The following ZNF517 variants were observed in gnomAD, a reference collection of about 807,000 sequenced individuals.
ZNF517 encodes zinc finger protein 517.
ZNF517 carries 12 observed loss-of-function variants against 12.1 expected under a neutral mutation model. The ratio of observed to expected loss-of-function variants is 0.99; its 90% CI spans 0.63 to 1.61. ZNF517 has a LOEUF of 1.61. ZNF517 is among the 40% of genes most tolerant of loss of function. ZNF517 has a pLI of 0.00. For missense variants in ZNF517, 781 were observed against 693.2 expected, an observed-to-expected ratio of 1.13 and a Z score of -1.42; for synonymous variants, 388 against 310.2, an observed-to-expected ratio of 1.25 and a Z score of -2.63.
intron 4 of ZNF517, among the ~76,000 whole-genome samples, chr8:144,806,363 T>C (rs1358786572): frequency 6.6e-6 from 1 of 152,218 alleles, no homozygotes; most frequent in East Asian, 1.9e-4. Context: ...CTGGCCTGTC[T>C]TCCCTGCCAG....
At position 144,808,383 on chromosome 8, in the gene ZNF517, T is replaced by C. The variant is rs1250736369; in HGVS notation, c.1467T>C (p.Cys489=). 14 of 1,455,548 alleles carry C rather than the reference T, an allele frequency of 9.6e-6. No homozygotes were observed. The highest frequency in any genetic ancestry group is 1.3e-5 in the Non-Finnish European group (14 of 1,104,148). The allele number at this position is 1,455,548 out of a possible 1,614,324, so 90.2% of individuals were successfully genotyped here. ...GEDTEGRRAP[C]WAS is the part of the protein sequence containing the mutation. ...ACACAGAGGGCAGGCGGGCGCCCTG[T>C]TGGGCTTCCTGATGACGGGGACGAC... Residue 489 remains cysteine, a synonymous_variant, in exon 5 of 5, where the codon TGT becomes TGC. Coordinates refer to ENST00000359971, the MANE Select transcript of ZNF517 (RefSeq NM_213605.3).
intron 1 of ZNF517, chr8:144,800,491 G>A (rs1586758778): frequency 2.0e-6 from 2 of 985,164 alleles, no homozygotes; most frequent in East Asian, 2.3e-4. Flanking sequence ...CCAGAGTGGA[G>A]GGTGGTATGT....
At chr8:144,804,975 C>T (rs538558145) in intron 4 of ZNF517, among the ~76,000 whole-genome samples, 5 of 152,358 alleles carry the variant, frequency 3.3e-5, no homozygotes, top group East Asian at 1.9e-4. Context: ...CACAGGGAGA[C>T]GGTCAGGCCT....
Position 144,808,580 on chromosome 8 carries a change from C to A in ZNF517, c.*185C>A. On this transcript the variant is annotated 3_prime_UTR_variant, in exon 5 of 5. Transcript: ENST00000359971. ...GGGGAGGGAAAGGGCACCAGGCAGC[C>A]CGTGGTGTGGCCTCAGGAACCACTA... 1 of 830,234 alleles carries A rather than the reference C, an allele frequency of 1.2e-6. No homozygotes were observed. The highest frequency in any genetic ancestry group is 1.7e-6 in the Non-Finnish European group (1 of 603,908). 51.4% of individuals were successfully genotyped at this position (830,234 alleles called of 1,614,324 possible).
rs1411233808 is a variant in ZNF517 at position 144,807,874 on chromosome 8, C to T, written c.958C>T (p.Leu320=). ...IHSGERPYRC[L]RCGQRFIRGS... Reference sequence around the variant, plus strand: ...CAGCGGGGAGCGGCCCTACCGGTGCCTGCGGTGTGGGCAGCGCTTCATCCG... The same window carrying T: ...CAGCGGGGAGCGGCCCTACCGGTGCTTGCGGTGTGGGCAGCGCTTCATCCG... The change falls in exon 5 of 5, where the codon CTG becomes TTG. Residue 320 remains leucine (L), a synonymous_variant. Coordinates refer to ENST00000359971, the MANE Select transcript of ZNF517 (RefSeq NM_213605.3). 3 of 1,568,562 alleles carry T rather than the reference C, an allele frequency of 1.9e-6. No homozygotes were observed. Among genetic ancestry groups the T allele is most frequent in the East Asian group, 2.3e-5 (1 of 44,348 alleles).
chr8:144,800,753 G>A (rs931153793), intron 1 of ZNF517: 27 of 945,570 alleles, frequency 2.9e-5, no homozygotes, highest in East Asian at 1.2e-4. Flanking sequence ...ATCGCCCTTC[G>A]TACCCTAACA....
chr8:144,807,399 G>A lies in ZNF517; in HGVS notation c.483G>A (p.Arg161=). 1.3e-6 allele frequency: 2 copies of A among 1,560,908 alleles called. No homozygotes were observed. The highest frequency in any genetic ancestry group is 1.2e-5 in the South Asian group (1 of 85,470). Residue 161 remains arginine, a synonymous_variant, in exon 5 of 5, where the codon AGG becomes AGA. Coordinates refer to ENST00000359971, the MANE Select transcript of ZNF517 (RefSeq NM_213605.3). ...CTCGGGAGCACAGCGCCTCCCCAAGGGTTCTGCAGGAAGACCTGGGCCGGC... is the reference window on the plus strand; with the variant it reads ...CTCGGGAGCACAGCGCCTCCCCAAGAGTTCTGCAGGAAGACCTGGGCCGGC... The part of the protein sequence containing the change: ...PRAREHSASP[R]VLQEDLGRPV...
At chr8:144,805,327 G>A (rs772058889) in intron 4 of ZNF517, among the ~76,000 whole-genome samples, 43 of 152,132 alleles carry the variant, frequency 2.8e-4, no homozygotes, top group Non-Finnish European at 5.3e-4. Context: ...GTAGAACAGA[G>A]ATTATTATTA....
chr8:144,802,136 G>C (rs1826997124), intron 1 of ZNF517, among the ~76,000 whole-genome samples: 1 of 152,238 alleles, frequency 6.6e-6, no homozygotes, highest in South Asian at 2.1e-4. Context: ...TCTGCTTACA[G>C]TCTGCTTGTT....
chr8:144,802,413 C>T (rs772141605), intron 1 of ZNF517, among the ~76,000 whole-genome samples: 7 of 152,236 alleles, frequency 4.6e-5, no homozygotes, highest in African/African-American at 7.2e-5. Flanking sequence ...TAACCAGTCA[C>T]GCTTTGTTCA....
Position 144,807,702 on chromosome 8 carries a change from A to T in ZNF517, c.786A>T (p.Ala262=), listed in dbSNP as rs1011721095. ...HRVHTRERPY[A]CGECGKAFSR... Reference sequence around the variant, plus strand: ...TCCACACCCGCGAGCGGCCCTACGCATGCGGCGAGTGCGGCAAGGCCTTCA... The same window carrying T: ...TCCACACCCGCGAGCGGCCCTACGCTTGCGGCGAGTGCGGCAAGGCCTTCA... The change falls in exon 5 of 5, where the codon GCA becomes GCT. Residue 262 remains alanine (A), a synonymous_variant. Transcript: ENST00000359971. 1.2e-6 allele frequency: 2 copies of T among 1,610,168 alleles called. No individual in the cohort carries two copies. Among genetic ancestry groups the T allele is most frequent in the Non-Finnish European group, 8.5e-7 (1 of 1,179,120 alleles).
chr8:144,801,476 G>A lies in ZNF517; in HGVS notation c.-45-1394G>A, dbSNP rs146122848. Among the ~76,000 whole-genome samples, 813 of 152,130 alleles carry A rather than the reference G, an allele frequency of 5.3e-3. 8 individuals are homozygous for A. The highest frequency in any genetic ancestry group is 0.019 in the African/African-American group (780 of 41,516). On this transcript the variant is annotated intron_variant, in intron 1 of 4. Transcript: ENST00000359971. ...ACCAAGGTTGCACCATTGCACTCCC[G>A]CCTGGGCAACAAGAGCGAGTTGTCG...
chr8:144,803,882 G>C (rs1449272080), intron 3 of ZNF517, 115 bp downstream of exon 3: 1 of 1,435,596 alleles, frequency 7.0e-7, no homozygotes, highest in Non-Finnish European at 9.4e-7. Flanking sequence ...GAAGCTGGAG[G>C]CTCCCCAAGG....
chr8:144,808,304 G>A lies in ZNF517; in HGVS notation c.1388G>A (p.Arg463Gln), dbSNP rs763191257. 1 of 1,537,688 alleles carries A rather than the reference G, an allele frequency of 6.5e-7. No homozygotes were observed. Among genetic ancestry groups the A allele is most frequent in the Non-Finnish European group, 8.8e-7 (1 of 1,139,354 alleles). Residue 463 changes from arginine (R) to glutamine (Q), a missense_variant, in exon 5 of 5, where the codon CGG becomes CAG. Physicochemically the swap from Arg to Gln is conservative, Grantham distance 43. Transcript: ENST00000359971. ...RCRACGRACSRLSTLIQHQKV... is the reference protein window; with the variant it reads ...RCRACGRACSQLSTLIQHQKV... ...CGCGCCTGCGGGAGGGCCTGCAGCC[G>A]GCTGTCCACCCTCATCCAGCACCAG...
intron 4 of ZNF517, among the ~76,000 whole-genome samples, chr8:144,805,016 T>G (rs1219973960): frequency 1.3e-5 from 2 of 152,212 alleles, no homozygotes; most frequent in Non-Finnish European, 2.9e-5. Context: ...TTGACTGATG[T>G]CAGGCCTTCC....
intron 1 of ZNF517, among the ~76,000 whole-genome samples, chr8:144,799,431 G>A (rs1006164132): frequency 1.3e-5 from 2 of 152,182 alleles, no homozygotes; most frequent in African/African-American, 4.8e-5. Context: ...TTAACTGTGA[G>A]CGTTCCGGTG....
In ZNF517 at chr8:144,807,740, G is replaced by A. The variant is rs757887551; in HGVS notation, c.824G>A (p.Arg275Gln). Reference sequence around the variant, plus strand: ...GGCAAGGCCTTCAGCCGCAGCTCCCGGCTGCTGCAGCACCAGAAGTTCCAC... The same window carrying A: ...GGCAAGGCCTTCAGCCGCAGCTCCCAGCTGCTGCAGCACCAGAAGTTCCAC... ...ECGKAFSRSS[R>Q]LLQHQKFHTG... The change falls in exon 5 of 5, where the codon CGG becomes CAG. Residue 275 changes from arginine (R) to glutamine (Q), a missense_variant. Arg to Gln is a conservative substitution (Grantham distance 43). Transcript: ENST00000359971. 5.2e-5 allele frequency: 83 copies of A among 1,610,144 alleles called. No individual in the cohort carries two copies. The highest frequency in any genetic ancestry group is 4.4e-4 in the South Asian group (40 of 90,932).
Position 144,808,580 on chromosome 8 carries a change from CCGTGG to C in ZNF517, c.*186_*190del. On this transcript the variant is annotated 3_prime_UTR_variant, in exon 5 of 5. Coordinates refer to ENST00000359971, the MANE Select transcript of ZNF517 (RefSeq NM_213605.3). ...GGGGAGGGAAAGGGCACCAGGCAGC[CCGTGG>C]TGTGGCCTCAGGAACCACTATCAGC... The C allele has an allele frequency of 1.2e-6, 1 of 830,234 alleles. No homozygotes were observed. The highest frequency in any genetic ancestry group is 1.7e-6 in the Non-Finnish European group (1 of 603,908). 51.4% of individuals were successfully genotyped at this position (830,234 alleles called of 1,614,324 possible).
rs758708164 is a variant in ZNF517, at chr8:144,807,463, G to A, written c.547G>A (p.Gly183Ser). ...AGCCCCCCGCTACAGGTGCGTGTGC[G>A]GCAAGGCGTTCAGATACAACTCGCT... ...SSAPRYRCVC[G>S]KAFRYNSLLL... is the part of the protein sequence containing the mutation. Residue 183 changes from glycine (G) to serine (S), a missense_variant, in exon 5 of 5, where the codon GGC (glycine) becomes AGC (serine). By Grantham distance (56) the Gly-to-Ser change is moderately conservative. Coordinates refer to ENST00000359971, the MANE Select transcript of ZNF517 (RefSeq NM_213605.3). 43 of 1,578,486 alleles carry A rather than the reference G, an allele frequency of 2.7e-5. No individual in the cohort carries two copies. The highest frequency in any genetic ancestry group is 1.4e-5 in the African/African-American group (1 of 73,806).
Sources: gnomAD v4.1 joint callset for allele counts (sites outside exome capture counted in the v4.1 genomes callset) on GRCh38, gnomAD v4.1.1 for gene constraint, MANE v1.5 for transcripts, NCBI Gene and HGNC (gene_info 2026-07-23, HGNC 2026-07-21) for gene names.